Variants in OPCML observed in about 807,000 individuals in gnomAD.
OPCML encodes opioid-binding protein/cell adhesion molecule.
A neutral mutation model predicts 37.8 loss-of-function variants in OPCML; 13 were observed. The observed-to-expected ratio is 0.34, with a 90% CI of 0.22 to 0.55. OPCML has a LOEUF of 0.55. OPCML is among the 20% of genes least tolerant of loss of function. The pLI is 0.91. For synonymous variants in OPCML, 176 were observed against 168.8 expected (o/e 1.04, Z -0.33); for missense variants, 341 against 435.6 (o/e 0.78, Z 1.93).
chr11:132,727,212 G>A (rs1277012063), intron 2 of OPCML, among the ~76,000 whole-genome samples: 1 of 152,140 alleles, frequency 6.6e-6, no homozygotes, highest in Non-Finnish European at 1.5e-5. Flanking sequence ...GAGAGGTAGG[G>A]TCGCTCTCCT....
chr11:133,313,230 A>G (rs1399852532), intron 1 of OPCML, among the ~76,000 whole-genome samples: 1 of 152,250 alleles, frequency 6.6e-6, no homozygotes, highest in Non-Finnish European at 1.5e-5. Flanking sequence ...CATAATAGGC[A>G]TTCAGTCAAT....
At chr11:132,807,140 T>C (rs1205970674) in intron 2 of OPCML, among the ~76,000 whole-genome samples, 1 of 152,110 alleles carries the variant, frequency 6.6e-6, no homozygotes, top group East Asian at 1.9e-4. Context: ...ATCTAAATCC[T>C]AGTTATATAG....
At chr11:132,877,055 G>T (rs1591742004) in intron 2 of OPCML, among the ~76,000 whole-genome samples, 1 of 152,230 alleles carries the variant, frequency 6.6e-6, no homozygotes, top group Admixed American at 6.5e-5. Flanking sequence ...CGCAAGGGAA[G>T]CTGGTTAAGC....
intron 4 of OPCML, among the ~76,000 whole-genome samples, chr11:132,467,225 C>A (rs896616157): frequency 1.3e-5 from 2 of 152,166 alleles, no homozygotes; most frequent in African/African-American, 4.8e-5. Context: ...GGACAGAAGC[C>A]GAGTCCCTGT....
chr11:132,437,214 C>T lies in OPCML; in HGVS notation c.643+8G>A, dbSNP rs760805396. The T allele has an allele frequency of 6.2e-7, 1 of 1,611,542 alleles. No homozygotes were observed. The highest frequency in any genetic ancestry group is 8.5e-7 in the Non-Finnish European group (1 of 1,177,828). ...TCCCCAGAACCCCCTGGCTGCAGGT[C>T]CACTCACAGTTTACAGTGATTTTTA... On this transcript the variant is annotated splice_region_variant and intron_variant, in intron 5 of 7. Transcript: ENST00000524381.
At chr11:132,792,746 T>C (rs906766704) in intron 2 of OPCML, among the ~76,000 whole-genome samples, 8 of 152,168 alleles carry the variant, frequency 5.3e-5, no homozygotes, top group African/African-American at 1.9e-4. Context: ...AGTGGAAACC[T>C]TCCTGGAGCG....
chr11:132,592,224 T>C (rs2096485597), intron 3 of OPCML, among the ~76,000 whole-genome samples: 1 of 152,184 alleles, frequency 6.6e-6, no homozygotes, highest in Non-Finnish European at 1.5e-5. Context: ...CTTTTCAAAG[T>C]GTGCATGTTT....
intron 1 of OPCML, chr11:133,298,540 A>G (rs1942691367): frequency 6.6e-6 from 1 of 152,212 alleles, no homozygotes; most frequent in African/African-American, 2.4e-5. Flanking sequence ...CATCCCTACA[A>G]TGGCTCCTCT....
intron 4 of OPCML, among the ~76,000 whole-genome samples, chr11:132,512,083 A>T (rs989042459): frequency 6.6e-6 from 1 of 152,104 alleles, no homozygotes; most frequent in Non-Finnish European, 1.5e-5. Flanking sequence ...ACAAAATTAG[A>T]TATACCAATG....
intron 2 of OPCML, among the ~76,000 whole-genome samples, chr11:132,778,961 C>CTTTTTTTTTTTTTTTTTTTTTTTTTT (rs10657036): frequency 1.1e-5 from 1 of 87,944 alleles, no homozygotes; most frequent in Non-Finnish European, 2.1e-5. Flanking sequence ...TGGTATATTT[C>CTTTTTTTTTTTTTTTTTTTTTTTTTT]TTTTTTTTTT....
At chr11:133,313,528 C>T (rs995008229) in intron 1 of OPCML, among the ~76,000 whole-genome samples, 12 of 152,162 alleles carry the variant, frequency 7.9e-5, no homozygotes, top group African/African-American at 1.7e-4. Flanking sequence ...GACTATTCCA[C>T]GAGTCCCATT....
chr11:133,200,317 TG>T (rs1415736250), intron 1 of OPCML, among the ~76,000 whole-genome samples: 2 of 148,116 alleles, frequency 1.4e-5, no homozygotes, highest in South Asian at 2.1e-4. Context: ...AAGAGGAGAG[TG>T]GTTTATTTGG....
chr11:132,845,704 T>G (rs1338702085), intron 2 of OPCML, among the ~76,000 whole-genome samples: 2 of 152,232 alleles, frequency 1.3e-5, no homozygotes, highest in South Asian at 2.1e-4. Flanking sequence ...TCTTATATGC[T>G]CTTCCATAGA....
chr11:133,059,746 C>T (rs1948305571), intron 1 of OPCML, among the ~76,000 whole-genome samples: 3 of 152,282 alleles, frequency 2.0e-5, no homozygotes, highest in Non-Finnish European at 4.4e-5. Flanking sequence ...GAGCTAGCCA[C>T]TGTTTTCATG....
At chr11:133,365,892 C>CA (rs966630148) in intron 1 of OPCML, 7 of 152,166 alleles carry the variant, frequency 4.6e-5, no homozygotes, top group Admixed American at 3.9e-4. Flanking sequence ...AACCCAATGG[C>CA]AAAAAAATAG....
intron 2 of OPCML, among the ~76,000 whole-genome samples, chr11:132,664,770 C>A (rs1463653851): frequency 6.6e-6 from 1 of 152,104 alleles, no homozygotes; most frequent in Non-Finnish European, 1.5e-5. Context: ...CAACAGGGAC[C>A]CTAAATTATG....
intron 1 of OPCML, among the ~76,000 whole-genome samples, chr11:133,022,993 G>A (rs545992778): frequency 3.3e-5 from 5 of 152,330 alleles, no homozygotes; most frequent in East Asian, 1.9e-4. Flanking sequence ...ATTTGTACAC[G>A]CATTACACCC....
chr11:132,501,812 A>G (rs1228107741), intron 4 of OPCML, among the ~76,000 whole-genome samples: 2 of 152,214 alleles, frequency 1.3e-5, no homozygotes, highest in African/African-American at 2.4e-5. Context: ...CTAATTGTAG[A>G]CAAATTCCTA....
intron 1 of OPCML, among the ~76,000 whole-genome samples, chr11:133,105,324 G>A (rs893496265): frequency 1.3e-5 from 2 of 152,108 alleles, no homozygotes; most frequent in African/African-American, 2.4e-5. Flanking sequence ...CTTCATTAAC[G>A]AGGTTATGCA....
Sources: allele counts gnomAD v4.1 joint callset (sites outside exome capture counted in the v4.1 genomes callset), GRCh38; gene constraint gnomAD v4.1.1; transcripts MANE v1.5; gene names NCBI Gene and HGNC (gene_info 2026-07-23, HGNC 2026-07-21).